The following TOGARAM1 variants were observed in gnomAD, a reference collection of about 807,000 sequenced individuals.
TOGARAM1 encodes the protein TOG array regulator of axonemal microtubules 1.
TOGARAM1 carries 100 observed loss-of-function variants against 166.6 expected under a neutral mutation model. The ratio of observed to expected loss-of-function variants is 0.60; its 90% confidence interval spans 0.51 to 0.71. TOGARAM1 has a LOEUF of 0.71. Ranked by LOEUF, TOGARAM1 falls within the 30% of genes least tolerant of loss-of-function variation. The pLI, the probability that TOGARAM1 is intolerant of heterozygous loss-of-function variation, is 0.00. For synonymous variants in TOGARAM1, 758 were observed against 763.8 expected (o/e 0.99, Z 0.13); for missense variants, 2,029 against 2,102.7 (o/e 0.96, Z 0.69).
intron 11 of TOGARAM1, among the ~76,000 whole-genome samples, chr14:45,043,322 T>A (rs1312670231): frequency 6.6e-6 from 1 of 152,036 alleles, no homozygotes. Context: ...GGATTACAGG[T>A]GTCCACCACC....
In TOGARAM1 at chr14:45,045,543, G is replaced by GTGTGTGTGTGTATA. The variant is rs1457434775; in HGVS notation, c.4154+674_4154+675insGTGTGTGTGTATAT. Reference sequence around the variant, plus strand: ...GAGTAGTATTCCATGGTCTGTGTGTGTATATATATATATATATATATATAT... The same window carrying GTGTGTGTGTGTATA: ...GAGTAGTATTCCATGGTCTGTGTGTGTGTGTGTGTGTATATATATATATATATATATATATATAT... On this transcript the variant is annotated intron_variant, in intron 13 of 19. Transcript: ENST00000361462. Among the ~76,000 whole-genome samples the GTGTGTGTGTGTATA allele has an allele frequency of 3.6e-4, 14 of 38,922 alleles. 1 individual carries two copies. Among genetic ancestry groups the GTGTGTGTGTGTATA allele is most frequent in the African/African-American group, 1.3e-3 (14 of 10,858 alleles). The allele number at this position is 38,922 out of a possible 152,430, so 25.5% of individuals were successfully genotyped here. A position where few individuals can be genotyped will look rare whatever the true frequency, so the allele number is the denominator to read the frequency against.
intron 1 of TOGARAM1, among the ~76,000 whole-genome samples, chr14:44,989,090 A>G (rs190709469): frequency 6.6e-6 from 1 of 152,254 alleles, no homozygotes; most frequent in Non-Finnish European, 1.5e-5. Context: ...CCATTTAGGG[A>G]TAACACATTA....
rs1014099995 is a variant in TOGARAM1 at position 45,032,121 on chromosome 14, C to G, written c.3659-102C>G. ...GTTGCAGTGAGCTAAGATCGTACTA[C>G]TGCACCCTAGCCTGGGCAACACAGC... is the stretch of plus-strand genomic sequence containing the variant. On this transcript the variant is annotated intron_variant, in intron 10 of 19. Transcript: ENST00000361462. 51 of 1,024,300 alleles carry G rather than the reference C, an allele frequency of 5.0e-5. No homozygotes were observed. In the Middle Eastern group the frequency reaches 1.3e-3, roughly 26 times the overall value. The allele number at this position is 1,024,300 out of a possible 1,614,324, so 63.5% of individuals were successfully genotyped here.
intron 11 of TOGARAM1, among the ~76,000 whole-genome samples, chr14:45,034,757 C>A (rs959220009): frequency 1.3e-5 from 2 of 152,132 alleles, no homozygotes; most frequent in Non-Finnish European, 2.9e-5. Context: ...ATTTGAAATA[C>A]ATTTTCAAAT....
In TOGARAM1 at chr14:44,989,439, A is replaced by G. The variant is rs569917204; in HGVS notation, c.2047-6307A>G. On this transcript the variant is annotated intron_variant, in intron 1 of 19. Coordinates refer to ENST00000361462, the MANE Select transcript of TOGARAM1 (RefSeq NM_001308120.2). ...AATTTTGTTTCCTTTCTTCTGTGGT[A>G]TAGAATTCCATTTTTGTAGACAGTG... Among the ~76,000 whole-genome samples the G allele has an allele frequency of 1.8e-4, 27 of 152,268 alleles. No individual in the cohort carries two copies. In the South Asian group the frequency reaches 3.9e-3, roughly 22 times the overall value.
chr14:45,009,074 T>C lies in TOGARAM1; in HGVS notation c.3066T>C (p.Ser1022=), dbSNP rs771465111. ...LSSSPNINSY[S]ESGVYSQESL... ...CCTCACCAAACATCAATTCTTACAG[T>C]GAAAGTGGAGTTTACAGCCAAGAAT... Residue 1022 remains serine, a synonymous_variant, in exon 6 of 20, where the codon AGT becomes AGC. Coordinates refer to ENST00000361462, the MANE Select transcript of TOGARAM1 (RefSeq NM_001308120.2). 7 of 1,613,996 alleles carry C rather than the reference T, an allele frequency of 4.3e-6. No individual in the cohort carries two copies. In the South Asian group the frequency reaches 7.7e-5, roughly 18 times the overall value.
chr14:44,992,725 C>T (rs1459263374), intron 1 of TOGARAM1, among the ~76,000 whole-genome samples: 2 of 146,480 alleles, frequency 1.4e-5, no homozygotes, highest in African/African-American at 5.1e-5. Context: ...TCACGCCATT[C>T]TCCTGTCTCA....
intron 7 of TOGARAM1, among the ~76,000 whole-genome samples, chr14:45,012,463 C>T (rs933372992): frequency 6.6e-6 from 1 of 152,138 alleles, no homozygotes; most frequent in African/African-American, 2.4e-5. Flanking sequence ...TCTTTAAAAA[C>T]AATATTAACT....
Position 44,986,245 on chromosome 14 carries a change from G to C in TOGARAM1, c.2047-9501G>C, listed in dbSNP as rs138436728. 8.1e-4 allele frequency among the ~76,000 whole-genome samples: 124 copies of C among 152,266 alleles called. 1 individual carries two copies. The highest frequency in any genetic ancestry group is 3.4e-3 in the Middle Eastern group (1 of 294). Reference sequence around the variant, plus strand: ...TAGACAAATAACTGTTTTTAAGCAAGTATAATTTGTCCAAAGAGTTATCTT... The same window carrying C: ...TAGACAAATAACTGTTTTTAAGCAACTATAATTTGTCCAAAGAGTTATCTT... On this transcript the variant is annotated intron_variant, in intron 1 of 19. Transcript: ENST00000361462.
At chr14:44,999,135 T>A (rs1283453993) in intron 2 of TOGARAM1, among the ~76,000 whole-genome samples, 1 of 152,098 alleles carries the variant, frequency 6.6e-6, no homozygotes, top group Non-Finnish European at 1.5e-5. Context: ...TCAACATACC[T>A]GTCTTTTCCC....
At chr14:45,072,226 A>C (rs1030275849) in intron 19 of TOGARAM1, among the ~76,000 whole-genome samples, 1 of 152,322 alleles carries the variant, frequency 6.6e-6, no homozygotes, top group South Asian at 2.1e-4. Context: ...CATAGAGGAC[A>C]TGCAGTGGGC....
intron 2 of TOGARAM1, among the ~76,000 whole-genome samples, chr14:44,998,313 G>C (rs929294019): frequency 2.6e-5 from 4 of 152,220 alleles, no homozygotes; most frequent in African/African-American, 9.6e-5. Context: ...GTAAGCTAAT[G>C]CTTGATTGGA....
intron 15 of TOGARAM1, among the ~76,000 whole-genome samples, chr14:45,053,251 G>A (rs762849905): frequency 1.3e-5 from 2 of 151,942 alleles, no homozygotes; most frequent in Non-Finnish European, 2.9e-5. Context: ...ATGTTGGCCA[G>A]GCTTGTCTTG....
At position 44,964,353 on chromosome 14, in the gene TOGARAM1, CTGTACCCG is replaced by C. The variant is rs746029461; in HGVS notation, c.1933_1940del (p.Cys645LysfsTer11). ...TTTATGGATCTTACAGCCCAACTAT[CTGTACCCG>C]AAGGGTATTAAGTGCAGGAAAAGGA... is the stretch of plus-strand genomic sequence containing the variant. On this transcript the variant is annotated frameshift_variant, in exon 1 of 20. Coordinates refer to ENST00000361462, the MANE Select transcript of TOGARAM1 (RefSeq NM_001308120.2). LOFTEE classifies it high-confidence loss of function. 6.2e-7 allele frequency: 1 copy of C among 1,614,030 alleles called. No individual in the cohort carries two copies. Among genetic ancestry groups the C allele is most frequent in the Non-Finnish European group, 8.5e-7 (1 of 1,180,038 alleles).
chr14:44,995,097 C>A (rs1887350631), intron 1 of TOGARAM1, among the ~76,000 whole-genome samples: 1 of 152,156 alleles, frequency 6.6e-6, no homozygotes, highest in Non-Finnish European at 1.5e-5. Context: ...AGTTCTTTAA[C>A]TGATTATGTG....
intron 1 of TOGARAM1, 52 bp from the exon 2 acceptor site, chr14:44,995,694 T>C: frequency 3.1e-6 from 4 of 1,285,370 alleles, no homozygotes; most frequent in Non-Finnish European, 4.3e-6. Context: ...GTCATATTTA[T>C]TACCAGGAAG....
chr14:44,998,846 C>A (rs1594638494), intron 2 of TOGARAM1, among the ~76,000 whole-genome samples: 2 of 151,938 alleles, frequency 1.3e-5, no homozygotes, highest in East Asian at 3.9e-4. Context: ...TAACCAGACA[C>A]AGGAGGGGAA....
chr14:45,026,568 A>G (rs1039660840), intron 8 of TOGARAM1, among the ~76,000 whole-genome samples: 9 of 152,156 alleles, frequency 5.9e-5, no homozygotes, highest in African/African-American at 1.9e-4. Context: ...TTCGCTCCAC[A>G]TAAATGCTTT....
rs1299324075 is a variant in TOGARAM1, at chr14:45,006,146, A to G, written c.2783A>G (p.Asp928Gly). The G allele has an allele frequency of 6.2e-7, 1 of 1,614,126 alleles. No individual in the cohort carries two copies. The highest frequency in any genetic ancestry group is 8.5e-7 in the Non-Finnish European group (1 of 1,180,004). The change falls in exon 5 of 20, where the codon GAT becomes GGT. Residue 928 changes from aspartate (D) to glycine (G), a missense_variant. Around this residue, in one of 2 missense-constraint regions of TOGARAM1, gnomAD observed 1,453 missense variants for 1,432.2 expected, o/e 1.01. Transcript: ENST00000361462. The stretch of plus-strand genomic sequence containing the variant: ...ATAAGCCTTTTGCCTGATAAAGCTG[A>G]TTTAAGCACAGTGGGACACAAAAAG... ...RGISLLPDKA[D>G]LSTVGHKKKE...
Sources: gnomAD v4.1 joint callset for allele counts (sites outside exome capture counted in the v4.1 genomes callset) on GRCh38, gnomAD v4.1.1 for gene constraint, gnomAD v4.1.1 regional missense constraint, MANE v1.5 for transcripts, NCBI Gene and HGNC (gene_info 2026-07-23, HGNC 2026-07-21) for gene names.